Variants in L3MBTL4 observed in about 807,000 individuals in gnomAD.
L3MBTL4 encodes the protein L3MBTL histone methyl-lysine binding protein 4, also known as lethal(3)malignant brain tumor-like protein 4.
L3MBTL4 carries 70 observed loss-of-function variants against 84.5 expected under a neutral mutation model. That is an observed-to-expected ratio of 0.83 (90% confidence interval 0.68 to 1.01). The LOEUF (loss-of-function observed/expected upper bound fraction) is 1.01. Ranked by LOEUF, L3MBTL4 falls within the 50% of genes least tolerant of loss-of-function variation. The pLI is 0.00. For synonymous variants in L3MBTL4, 274 were observed against 259.8 expected, an observed-to-expected ratio of 1.05 and a Z score of -0.52; for missense variants, 715 against 754.8, an observed-to-expected ratio of 0.95 and a Z score of 0.62.
intron 14 of L3MBTL4, among the ~76,000 whole-genome samples, chr18:6,132,022 G>A (rs1267417966): frequency 6.6e-6 from 1 of 152,068 alleles, no homozygotes; most frequent in African/African-American, 2.4e-5. Flanking sequence ...GACATCCCCA[G>A]CATTTCCTAG....
At chr18:6,391,752 A>AACTACTACTACTACTGCTACTACTACT (rs1555755528) in intron 1 of L3MBTL4, among the ~76,000 whole-genome samples, 2 of 150,006 alleles carry the variant, frequency 1.3e-5, no homozygotes, top group Non-Finnish European at 3.0e-5. Flanking sequence ...CAACAACAAC[A>AACTACTACTACTACTGCTACTACTACT]ACTACTACTA....
intron 16 of L3MBTL4, among the ~76,000 whole-genome samples, chr18:6,038,100 C>T (rs1222883650): frequency 6.6e-6 from 1 of 151,982 alleles, no homozygotes; most frequent in African/African-American, 2.4e-5. Context: ...AGTTCAATGA[C>T]AGAGAGAGAA....
chr18:6,142,765 C>T (rs9945635), intron 13 of L3MBTL4, among the ~76,000 whole-genome samples: 71,986 of 151,750 alleles, frequency 0.47, 18,029 homozygotes, highest in African/African-American at 0.63. Flanking sequence ...AAAAAATAAT[C>T]TTAAAAGTTA....
intron 16 of L3MBTL4, among the ~76,000 whole-genome samples, chr18:6,044,745 C>T (rs2056543037): frequency 6.6e-6 from 1 of 152,150 alleles, no homozygotes; most frequent in Admixed American, 6.5e-5. Flanking sequence ...CACCATGAAG[C>T]CTAGCACAGA....
intron 14 of L3MBTL4, among the ~76,000 whole-genome samples, chr18:6,130,352 C>T (rs2059836286): frequency 6.6e-6 from 1 of 151,908 alleles, no homozygotes; most frequent in African/African-American, 2.4e-5. Context: ...GCTGACCGAA[C>T]AATTCCAGGT....
intron 16 of L3MBTL4, among the ~76,000 whole-genome samples, chr18:5,986,934 A>G (rs1463120432): frequency 6.6e-6 from 1 of 152,250 alleles, no homozygotes; most frequent in African/African-American, 2.4e-5. Flanking sequence ...AATGTTAGGA[A>G]TTACTCCTTT....
chr18:6,282,923 T>TA (rs1298421419), intron 4 of L3MBTL4, among the ~76,000 whole-genome samples: 1 of 151,858 alleles, frequency 6.6e-6, no homozygotes, highest in Non-Finnish European at 1.5e-5. Context: ...CCAAGGGAAG[T>TA]AAAAAAAGAA....
chr18:6,322,484 A>G (rs558995849), intron 1 of L3MBTL4, among the ~76,000 whole-genome samples: 1 of 145,984 alleles, frequency 6.9e-6, no homozygotes, highest in African/African-American at 2.7e-5. Context: ...GAAGGAAGGA[A>G]GGAAGGAAGG....
intron 1 of L3MBTL4, among the ~76,000 whole-genome samples, chr18:6,364,987 A>C (rs1414889304): frequency 6.6e-6 from 1 of 152,138 alleles, no homozygotes; most frequent in East Asian, 1.9e-4. Flanking sequence ...ATAGCAAAAA[A>C]AATCAAAAGT....
At chr18:6,199,510 T>C (rs2145634049) in intron 12 of L3MBTL4, among the ~76,000 whole-genome samples, 1 of 152,280 alleles carries the variant, frequency 6.6e-6, no homozygotes, top group Non-Finnish European at 1.5e-5. Flanking sequence ...GCAATGGGAT[T>C]ACTGTATAGA....
intron 12 of L3MBTL4, among the ~76,000 whole-genome samples, chr18:6,176,637 T>C (rs992040187): frequency 2.6e-5 from 4 of 152,114 alleles, no homozygotes; most frequent in African/African-American, 2.4e-5. Context: ...CTTCATGATA[T>C]TGGAATATTC....
intron 1 of L3MBTL4, among the ~76,000 whole-genome samples, chr18:6,383,282 G>A (rs1247479565): frequency 1.3e-5 from 2 of 152,042 alleles, no homozygotes; most frequent in Non-Finnish European, 2.9e-5. Flanking sequence ...CAGACTCCTT[G>A]GCTCCCTGGC....
At chr18:6,218,154 C>A (rs989179168) in intron 10 of L3MBTL4, among the ~76,000 whole-genome samples, 1 of 152,090 alleles carries the variant, frequency 6.6e-6, no homozygotes, top group African/African-American at 2.4e-5. Context: ...GCTGCCCGGG[C>A]TGGAATGCGG....
chr18:6,030,832 A>C (rs950965014), intron 16 of L3MBTL4: 33 of 985,218 alleles, frequency 3.3e-5, no homozygotes, highest in Non-Finnish European at 3.7e-5. Flanking sequence ...ATTTTAAAAC[A>C]GGCACACTAA....
rs1027217235 is a variant in L3MBTL4 at position 6,312,795 on chromosome 18, T to C, written c.-90-739A>G. ...ACATTTATTGAATTTACCTTCTTCC[T>C]CTACTCCTATTAACTCTGATCATTC... On this transcript the variant is annotated intron_variant, in intron 1 of 18. Transcript: ENST00000317931. 7.2e-5 allele frequency among the ~76,000 whole-genome samples: 11 copies of C among 152,216 alleles called. 1 individual carries two copies. The highest frequency in any genetic ancestry group is 2.7e-4 in the African/African-American group (11 of 41,454).
intron 1 of L3MBTL4, among the ~76,000 whole-genome samples, chr18:6,373,200 C>T (rs186746904): frequency 2.6e-5 from 4 of 152,134 alleles, no homozygotes; most frequent in African/African-American, 4.8e-5. Flanking sequence ...ATCCAGTTTG[C>T]GCATCCTTGT....
chr18:6,163,112 A>G (rs2043422124), intron 13 of L3MBTL4, among the ~76,000 whole-genome samples: 1 of 152,146 alleles, frequency 6.6e-6, no homozygotes, highest in African/African-American at 2.4e-5. Flanking sequence ...GGTCAATGAC[A>G]GGCCCTCAAA....
intron 4 of L3MBTL4, among the ~76,000 whole-genome samples, chr18:6,283,014 G>A (rs527343464): frequency 6.6e-6 from 1 of 152,188 alleles, no homozygotes; most frequent in Non-Finnish European, 1.5e-5. Flanking sequence ...GATCTTGGGA[G>A]CAACGCCTCC....
At chr18:6,152,435 T>G (rs2042937309) in intron 13 of L3MBTL4, among the ~76,000 whole-genome samples, 1 of 152,140 alleles carries the variant, frequency 6.6e-6, no homozygotes, top group Non-Finnish European at 1.5e-5. Flanking sequence ...TCCTAACAGG[T>G]GTTAGGTGAT....
Sources: gnomAD v4.1 joint callset for allele counts (sites outside exome capture counted in the v4.1 genomes callset) on GRCh38, gnomAD v4.1.1 for gene constraint, MANE v1.5 for transcripts, NCBI Gene and HGNC (gene_info 2026-07-23, HGNC 2026-07-21) for gene names.